IFT57: variants seen among roughly 807,000 people sequenced by gnomAD.
IFT57 encodes the protein intraflagellar transport 57.
A neutral mutation model predicts 56.8 loss-of-function variants in IFT57; 59 were observed. The observed-to-expected ratio is 1.04, with a 90% CI of 0.84 to 1.29. IFT57 has a LOEUF of 1.29. IFT57 is among the 50% of genes most tolerant of loss of function. IFT57 has a pLI of 0.00. For missense variants in IFT57, 470 were observed against 522.1 expected, an observed-to-expected ratio of 0.90 and a Z score of 0.97; for synonymous variants, 209 against 186.1, an observed-to-expected ratio of 1.12 and a Z score of -1.00.
rs1431361133 is a variant in IFT57, at chr3:108,217,769, G to C, written c.494+766C>G. On this transcript the variant is annotated intron_variant, in intron 3 of 10. Transcript: ENST00000264538. ...TGCTTACTCGCATTTTACCTGAATA[G>C]TGCCTTCTACATTCTAACCTATTAG... 5.4e-5 allele frequency among the ~76,000 whole-genome samples: 8 copies of C among 148,830 alleles called. No individual in the cohort carries two copies. In the South Asian group the frequency reaches 1.3e-3, roughly 23 times the overall value.
At chr3:108,182,295 T>C (rs536657421) in intron 6 of IFT57, among the ~76,000 whole-genome samples, 1 of 152,124 alleles carries the variant, frequency 6.6e-6, no homozygotes, top group Non-Finnish European at 1.5e-5. Flanking sequence ...GGATACAGAT[T>C]TGTCTATAAT....
intron 4 of IFT57, among the ~76,000 whole-genome samples, chr3:108,210,265 G>A (rs2080336432): frequency 6.6e-6 from 1 of 151,414 alleles, no homozygotes; most frequent in Non-Finnish European, 1.5e-5. Flanking sequence ...CTTGATATGG[G>A]CAGTTCAAAA....
chr3:108,219,317 G>A lies in IFT57; in HGVS notation c.375+93C>T, dbSNP rs868841265. ...TAAAAATAAATTCATATTTACAGAG[G>A]AGTCATCTAAATGGCTAGCATTTGT... On this transcript the variant is annotated intron_variant, in intron 2 of 10. Transcript: ENST00000264538. The A allele has an allele frequency of 1.4e-5, 13 of 952,018 alleles. No homozygotes were observed. The Middle Eastern group carries it at 2.4e-3, about 175-fold the overall frequency. 59.0% of individuals were successfully genotyped at this position (952,018 alleles called of 1,614,324 possible). A position where few individuals can be genotyped will look rare whatever the true frequency, so the allele number is the denominator to read the frequency against.
In IFT57 at chr3:108,165,842, G is replaced by A. The variant is rs796699422; in HGVS notation, c.982-349C>T. Among the ~76,000 whole-genome samples, 20 of 152,068 alleles carry A rather than the reference G, an allele frequency of 1.3e-4. 2 individuals are homozygous for A. Among genetic ancestry groups the A allele is most frequent in the South Asian group, 6.2e-4 (3 of 4,818 alleles). On this transcript the variant is annotated intron_variant, in intron 8 of 10. Coordinates refer to ENST00000264538, the MANE Select transcript of IFT57 (RefSeq NM_018010.4). ...TTTGCATGCTCCGCAGAGAAAGTCC[G>A]TTCTAAAACCAAAAATCAATCAAAG... is the stretch of plus-strand genomic sequence containing the variant.
intron 6 of IFT57, among the ~76,000 whole-genome samples, chr3:108,182,813 A>G (rs2080158123): frequency 1.3e-5 from 2 of 152,178 alleles, no homozygotes; most frequent in South Asian, 4.1e-4. Flanking sequence ...GAAGATTTAC[A>G]TAATTATTAA....
chr3:108,202,626 CCTT>C (rs2080285519), intron 5 of IFT57, among the ~76,000 whole-genome samples: 1 of 152,144 alleles, frequency 6.6e-6, no homozygotes, highest in South Asian at 2.1e-4. Flanking sequence ...GTAATGCTTT[CCTT>C]CTAAGAAAAG....
intron 4 of IFT57, among the ~76,000 whole-genome samples, chr3:108,210,332 CTTTTTTTTTT>C (rs35896793): frequency 9.3e-6 from 1 of 108,022 alleles, no homozygotes; most frequent in Non-Finnish European, 1.8e-5. Flanking sequence ...CAGAAATAAT[CTTTTTTTTTT>C]TTTTTTTTTG....
intron 5 of IFT57, among the ~76,000 whole-genome samples, chr3:108,192,698 T>A (rs9853363): frequency 0.096 from 14,603 of 152,008 alleles, 752 homozygotes; most frequent in Middle Eastern, 0.12. Flanking sequence ...ATAAACAGAC[T>A]TAAAATGTAT....
intron 7 of IFT57, 157 bp from the exon 8 acceptor site, chr3:108,167,142 T>G (rs1374809189): frequency 1.6e-6 from 1 of 608,280 alleles, no homozygotes; most frequent in Non-Finnish European, 2.8e-6. Flanking sequence ...ATATCTGTGA[T>G]GAGAAATATT....
chr3:108,166,018 A>G (rs750983971), intron 8 of IFT57, among the ~76,000 whole-genome samples: 19 of 152,112 alleles, frequency 1.2e-4, no homozygotes, highest in Non-Finnish European at 2.6e-4. Flanking sequence ...CATCATTTTG[A>G]TAGTTAAAAT....
intron 6 of IFT57, 29 bp downstream of exon 6, chr3:108,191,492 T>G (rs779618783): frequency 6.6e-7 from 1 of 1,522,444 alleles, no homozygotes; most frequent in Non-Finnish European, 8.8e-7. Flanking sequence ...TTTTTTTTTT[T>G]TTAAGAAAAT....
intron 6 of IFT57, among the ~76,000 whole-genome samples, chr3:108,181,900 T>C (rs2080152980): frequency 6.6e-6 from 1 of 152,066 alleles, no homozygotes; most frequent in Non-Finnish European, 1.5e-5. Flanking sequence ...ACGTGAATAT[T>C]TCTCAACAGA....
intron 5 of IFT57, among the ~76,000 whole-genome samples, chr3:108,198,737 G>A (rs912124301): frequency 1.4e-4 from 22 of 152,012 alleles, no homozygotes; most frequent in Admixed American, 2.0e-4. Context: ...CACTGCACTC[G>A]GCCTCGTGTT....
chr3:108,217,448 T>C (rs1427349287), intron 3 of IFT57, among the ~76,000 whole-genome samples: 1 of 152,010 alleles, frequency 6.6e-6, no homozygotes, highest in Non-Finnish European at 1.5e-5. Flanking sequence ...TTTAATAAAG[T>C]ATTATGGACC....
chr3:108,173,022 C>T (rs1478623121), intron 6 of IFT57, among the ~76,000 whole-genome samples: 4 of 151,746 alleles, frequency 2.6e-5, no homozygotes, highest in Non-Finnish European at 4.4e-5. Flanking sequence ...CTTACCCTAA[C>T]TTCTAGAAAT....
intron 5 of IFT57, among the ~76,000 whole-genome samples, chr3:108,201,269 G>T (rs1160719337): frequency 6.6e-6 from 1 of 152,134 alleles, no homozygotes; most frequent in Non-Finnish European, 1.5e-5. Context: ...GGCCCACAAT[G>T]AAACCAAGAA....
At chr3:108,190,147 C>T (rs1401036138) in intron 6 of IFT57, among the ~76,000 whole-genome samples, 1 of 152,080 alleles carries the variant, frequency 6.6e-6, no homozygotes, top group African/African-American at 2.4e-5. Context: ...TTACAGGCTA[C>T]TAGGTGGAAG....
At chr3:108,173,373 A>G (rs946870464) in intron 6 of IFT57, among the ~76,000 whole-genome samples, 3 of 151,704 alleles carry the variant, frequency 2.0e-5, no homozygotes, top group Non-Finnish European at 2.9e-5. Flanking sequence ...CTAGTTCTCA[A>G]GTTGGGGGTG....
Position 108,196,078 on chromosome 3 carries a change from T to C in IFT57, c.655-4435A>G, listed in dbSNP as rs11921841. On this transcript the variant is annotated intron_variant, in intron 5 of 10. Coordinates refer to ENST00000264538, the MANE Select transcript of IFT57 (RefSeq NM_018010.4). ...CCTGATCTGATCATTACGCATTGTA[T>C]GCCTTGTATCAAAATATCACATACA... Among the ~76,000 whole-genome samples the C allele has an allele frequency of 8.6e-3, 1,306 of 152,286 alleles. 11 individuals carry two copies. The highest frequency in any genetic ancestry group is 0.028 in the African/African-American group (1,171 of 41,542).
Sources: gnomAD v4.1 joint callset for allele counts (sites outside exome capture counted in the v4.1 genomes callset) on GRCh38, gnomAD v4.1.1 for gene constraint, MANE v1.5 for transcripts, NCBI Gene and HGNC (gene_info 2026-07-23, HGNC 2026-07-21) for gene names.